ZMYM4: variants seen among roughly 807,000 people sequenced by gnomAD.
The protein encoded by ZMYM4 is zinc finger MYM-type containing 4.
A neutral mutation model predicts 183.2 loss-of-function variants in ZMYM4; 31 were observed. The observed-to-expected ratio is 0.17, with a 90% CI of 0.13 to 0.23. ZMYM4 has a LOEUF of 0.23. Among genes scored for constraint, ZMYM4 ranks in the 10% least tolerant of loss-of-function variants. The pLI is 1.00. For synonymous variants in ZMYM4, 592 were observed against 631.2 expected, an observed-to-expected ratio of 0.94 and a Z score of 0.93; for missense variants, 1,273 against 1,840.3, an observed-to-expected ratio of 0.69 and a Z score of 5.64.
At chr1:35,372,589 T>A (rs1570462995) in intron 7 of ZMYM4, among the ~76,000 whole-genome samples, 1 of 152,186 alleles carries the variant, frequency 6.6e-6, no homozygotes, top group South Asian at 2.1e-4. Flanking sequence ...TCGCACAGTG[T>A]GTATGTGTAT....
rs781585071 is a variant in ZMYM4 at position 35,361,603 on chromosome 1, T to C, written c.670-16T>C. On this transcript the variant is annotated splice_polypyrimidine_tract_variant and intron_variant, in intron 4 of 29. Coordinates refer to ENST00000314607, the MANE Select transcript of ZMYM4 (RefSeq NM_005095.3). ...TAAAATCTGAATATTTATTAATCCT[T>C]TATATTGTGTTTTAGGATTCCAGCT... The C allele has an allele frequency of 1.2e-5, 20 of 1,604,900 alleles. No individual in the cohort carries two copies. Among genetic ancestry groups the C allele is most frequent in the Non-Finnish European group, 1.6e-5 (19 of 1,177,456 alleles).
chr1:35,269,144 A>T, intron 1 of ZMYM4, 59 bp downstream of exon 1: 1 of 1,539,292 alleles, frequency 6.5e-7, no homozygotes, highest in Non-Finnish European at 8.8e-7. Context: ...CGGGGCCGGG[A>T]ATGGGCCATA....
chr1:35,333,110 A>C (rs1360122701), intron 2 of ZMYM4, among the ~76,000 whole-genome samples: 1 of 152,218 alleles, frequency 6.6e-6, no homozygotes, highest in Non-Finnish European at 1.5e-5. Context: ...CTGCTGTCAC[A>C]GCATATAAAA....
At chr1:35,326,399 G>A (rs1453633405) in intron 2 of ZMYM4, among the ~76,000 whole-genome samples, 1 of 152,090 alleles carries the variant, frequency 6.6e-6, no homozygotes, top group Non-Finnish European at 1.5e-5. Flanking sequence ...TTAACTTAAG[G>A]AATAAATGTT....
At position 35,283,993 on chromosome 1, in the gene ZMYM4, G is replaced by A. The variant is rs1157160992; in HGVS notation, c.39+14908G>A. Among the ~76,000 whole-genome samples, 37 of 150,020 alleles carry A rather than the reference G, an allele frequency of 2.5e-4. No homozygotes were observed. In the East Asian group the frequency reaches 3.9e-3, roughly 16 times the overall value. On this transcript the variant is annotated intron_variant, in intron 1 of 29. Coordinates refer to ENST00000314607, the MANE Select transcript of ZMYM4 (RefSeq NM_005095.3). ...GTTTTTTTGTTTTTTTTTTTGAGAC[G>A]GAGTCTCGCTCTGTCGCCCAGGCTG...
intron 2 of ZMYM4, among the ~76,000 whole-genome samples, chr1:35,356,566 C>CT (rs1435920816): frequency 1.3e-5 from 2 of 152,158 alleles, no homozygotes; most frequent in African/African-American, 4.8e-5. Context: ...TAGAAACAAG[C>CT]TTTTATCTCC....
intron 9 of ZMYM4, among the ~76,000 whole-genome samples, chr1:35,382,142 T>A (rs1342451787): frequency 2.2e-5 from 3 of 136,592 alleles, no homozygotes; most frequent in Non-Finnish European, 4.6e-5. Flanking sequence ...TGAAACTCCG[T>A]CTCAAAAAAA....
chr1:35,315,615 G>A (rs1642009916), intron 1 of ZMYM4, among the ~76,000 whole-genome samples: 1 of 152,122 alleles, frequency 6.6e-6, no homozygotes, highest in South Asian at 2.1e-4. Context: ...AAAAGAAGAT[G>A]TATTTGCTTC....
intron 5 of ZMYM4, among the ~76,000 whole-genome samples, chr1:35,362,149 C>T (rs1301857856): frequency 6.6e-6 from 1 of 152,116 alleles, no homozygotes; most frequent in Non-Finnish European, 1.5e-5. Context: ...GCAGTTAATG[C>T]TAATGAAGTA....
intron 2 of ZMYM4, among the ~76,000 whole-genome samples, chr1:35,336,818 A>C (rs968208986): frequency 6.6e-6 from 1 of 152,240 alleles, no homozygotes. Context: ...CCCACATTCA[A>C]GGGAGTGACC....
At chr1:35,319,853 C>T (rs1234877195) in intron 1 of ZMYM4, among the ~76,000 whole-genome samples, 1 of 152,062 alleles carries the variant, frequency 6.6e-6, no homozygotes, top group Admixed American at 6.6e-5. Context: ...TCAGTGGAAA[C>T]TTTGGGAGTT....
At position 35,307,536 on chromosome 1, in the gene ZMYM4, A is replaced by AT. The variant is rs202140559; in HGVS notation, c.40-17822dup. Among the ~76,000 whole-genome samples, 190 of 146,588 alleles carry AT rather than the reference A, an allele frequency of 1.3e-3. 3 individuals carry two copies. The highest frequency in any genetic ancestry group is 5.3e-3 in the East Asian group (27 of 5,064). On this transcript the variant is annotated intron_variant, in intron 1 of 29. Transcript: ENST00000314607. Reference sequence around the variant, plus strand: ...AATTATTTTTATTATTATTATTATTATTATTATTTTTTTTTTGAGACAGAG... The same window carrying AT: ...AATTATTTTTATTATTATTATTATTATTTATTATTTTTTTTTTGAGACAGAG...
At chr1:35,284,391 G>C (rs1293682530) in intron 1 of ZMYM4, among the ~76,000 whole-genome samples, 1 of 152,130 alleles carries the variant, frequency 6.6e-6, no homozygotes, top group East Asian at 1.9e-4. Context: ...TTTTCCCTAT[G>C]TTTTCTTCTA....
intron 5 of ZMYM4, among the ~76,000 whole-genome samples, chr1:35,362,157 G>T (rs1643952470): frequency 6.6e-6 from 1 of 152,208 alleles, no homozygotes; most frequent in Non-Finnish European, 1.5e-5. Context: ...TGCTAATGAA[G>T]TACAGGCTAT....
intron 5 of ZMYM4, chr1:35,366,035 C>T (rs961314754): frequency 9.2e-5 from 14 of 151,966 alleles, no homozygotes; most frequent in African/African-American, 2.4e-4. Context: ...GACTGCAGAC[C>T]GTTAATGTAT....
intron 5 of ZMYM4, among the ~76,000 whole-genome samples, chr1:35,365,273 AT>A (rs1351958149): frequency 3.2e-4 from 46 of 142,836 alleles, no homozygotes; most frequent in Non-Finnish European, 5.9e-4. Context: ...TAGTCTACCA[AT>A]CTTTCTGTAA....
At chr1:35,305,694 C>G (rs548328186) in intron 1 of ZMYM4, among the ~76,000 whole-genome samples, 3 of 152,154 alleles carry the variant, frequency 2.0e-5, no homozygotes, top group Non-Finnish European at 4.4e-5. Context: ...CAGGTACACA[C>G]CACTGTGCCT....
chr1:35,269,469 T>G (rs1026892728), intron 1 of ZMYM4, among the ~76,000 whole-genome samples: 4 of 150,170 alleles, frequency 2.7e-5, no homozygotes, highest in Non-Finnish European at 5.9e-5. Context: ...GTGGCGGGAA[T>G]AAGTCGTGGA....
intron 1 of ZMYM4, among the ~76,000 whole-genome samples, chr1:35,272,686 G>A (rs1344344455): frequency 6.6e-6 from 1 of 152,078 alleles, no homozygotes; most frequent in Admixed American, 6.6e-5. Flanking sequence ...TCTGGATTAT[G>A]GTTAGATGGG....
Sources: gnomAD v4.1 joint callset for allele counts (sites outside exome capture counted in the v4.1 genomes callset) on GRCh38, gnomAD v4.1.1 for gene constraint, MANE v1.5 for transcripts, NCBI Gene and HGNC (gene_info 2026-07-23, HGNC 2026-07-21) for gene names.